MAMLD1: variants seen among roughly 807,000 people sequenced by gnomAD.
MAMLD1 encodes mastermind like domain containing 1.
Under a neutral mutation model 45.0 loss-of-function variants are expected in MAMLD1, and 14 were observed. The ratio of observed to expected loss-of-function variants is 0.31; its 90% CI spans 0.21 to 0.49. MAMLD1 has a LOEUF of 0.49. MAMLD1 is among the 20% of genes least tolerant of loss of function. MAMLD1 has a pLI of 0.99. For missense variants in MAMLD1, 543 were observed against 603.6 expected (o/e 0.90, Z 1.05); for synonymous variants, 254 against 247.8 (o/e 1.02, Z -0.24).
At chrX:150,428,014 G>A (rs1343187697) in intron 1 of MAMLD1, among the ~76,000 whole-genome samples, 2 of 111,115 alleles carry the variant, frequency 1.8e-5, no homozygotes, top group Admixed American at 1.9e-4. Context: ...GGGAGCTAAA[G>A]GTCCCAGATA....
At position 150,512,930 on chromosome X, in the gene MAMLD1, T is replaced by G. The variant is rs978768835; in HGVS notation, c.*971T>G. 96 of 1,154,669 alleles carry G rather than the reference T, an allele frequency of 8.3e-5. No homozygotes were observed. The highest frequency in any genetic ancestry group is 1.1e-4 in the Non-Finnish European group (92 of 872,676). On this transcript the variant is annotated 3_prime_UTR_variant, in exon 8 of 8. Transcript: ENST00000370401. ...TGAGGTAGATTTCATTGAAGCTCTCTTGAAAGGCTCCTGTGTGAGCCCAGA... is the reference window on the plus strand; with the variant it reads ...TGAGGTAGATTTCATTGAAGCTCTCGTGAAAGGCTCCTGTGTGAGCCCAGA...
intron 5 of MAMLD1, among the ~76,000 whole-genome samples, chrX:150,481,584 C>A (rs782813207): frequency 1.8e-5 from 2 of 111,658 alleles, no homozygotes; most frequent in Non-Finnish European, 3.8e-5. Flanking sequence ...AATCGCAGCA[C>A]TTTGAGAAGC....
chrX:150,363,487 C>T lies in MAMLD1; in HGVS notation c.-107C>T, dbSNP rs1354030951. 9.8e-6 allele frequency: 1 copy of T among 102,057 alleles called. No individual in the cohort carries two copies. The highest frequency in any genetic ancestry group is 2.2e-5 in the Non-Finnish European group (1 of 46,283). The allele number at this position is 102,057 out of a possible 1,213,427, so 8.4% of individuals were successfully genotyped here. A position where few individuals can be genotyped will look rare whatever the true frequency, so the allele number is the denominator to read the frequency against. On this transcript the variant is annotated 5_prime_UTR_variant, in exon 1 of 8. Transcript: ENST00000370401. ...GGCTGCCCGCGCCGGCGGCCGCCCG[C>T]CCCTCGGACACTGCCCCCGCCGCCG... is the stretch of plus-strand genomic sequence containing the variant.
chrX:150,483,366 G>A (rs145150618), intron 5 of MAMLD1, among the ~76,000 whole-genome samples: 12 of 112,470 alleles, frequency 1.1e-4, no homozygotes, highest in Admixed American at 2.8e-4. Context: ...AGACGTCTTC[G>A]CTAGCTCTGT....
intron 1 of MAMLD1, among the ~76,000 whole-genome samples, chrX:150,363,996 C>A (rs1557400593): frequency 8.8e-6 from 1 of 113,066 alleles, no homozygotes; most frequent in Non-Finnish European, 1.9e-5. Flanking sequence ...GAAGGATTTC[C>A]CCACCCCAAC....
intron 5 of MAMLD1, among the ~76,000 whole-genome samples, chrX:150,500,061 G>T (rs187731005): frequency 1.7e-4 from 19 of 112,386 alleles, no homozygotes; most frequent in Admixed American, 9.4e-4. Flanking sequence ...TGAGCCCTTT[G>T]CCTGGGCTAG....
Position 150,455,173 on chromosome X carries a change from T to C in MAMLD1, c.97-7599T>C, listed in dbSNP as rs1210797405. ...TTGGGGTGGGGAACATCAACGTGTG[T>C]TTATGGCCAAAATTGAATTAGGATT... is the stretch of plus-strand genomic sequence containing the variant. On this transcript the variant is annotated intron_variant, in intron 2 of 7. Transcript: ENST00000370401. Among the ~76,000 whole-genome samples the C allele has an allele frequency of 5.3e-5, 6 of 112,396 alleles. No homozygotes were observed. The Admixed American group carries it at 5.6e-4, about 11-fold the overall frequency.
intron 3 of MAMLD1, among the ~76,000 whole-genome samples, chrX:150,463,517 A>G (rs2036119591): frequency 8.9e-6 from 1 of 112,230 alleles, no homozygotes; most frequent in Admixed American, 9.4e-5. Context: ...TTCTGAGCTC[A>G]TTAAATTCAT....
intron 1 of MAMLD1, among the ~76,000 whole-genome samples, chrX:150,393,397 C>CTATAAATA (rs2033271365): frequency 8.9e-6 from 1 of 112,497 alleles, no homozygotes; most frequent in Admixed American, 9.4e-5. Context: ...AATAAAGCTA[C>CTATAAATA]TATAAATATC....
At chrX:150,399,799 G>C (rs146393678) in intron 1 of MAMLD1, among the ~76,000 whole-genome samples, 221 of 112,128 alleles carry the variant, frequency 2.0e-3, no homozygotes, top group African/African-American at 6.9e-3. Context: ...AGAATGAATT[G>C]CTGTTGTTTT....
intron 2 of MAMLD1, among the ~76,000 whole-genome samples, chrX:150,456,104 G>C (rs2035856188): frequency 9.0e-6 from 1 of 111,222 alleles, no homozygotes; most frequent in Non-Finnish European, 1.9e-5. Flanking sequence ...CTCAGTCTAA[G>C]TGTGAAGAGC....
intron 2 of MAMLD1, among the ~76,000 whole-genome samples, chrX:150,454,133 C>G (rs1373220357): frequency 2.7e-5 from 3 of 112,129 alleles, no homozygotes; most frequent in Non-Finnish European, 5.6e-5. Flanking sequence ...GTAGGTGCTT[C>G]TTTCCTAGAA....
At chrX:150,378,362 C>G (rs1175347254) in intron 1 of MAMLD1, among the ~76,000 whole-genome samples, 4 of 112,184 alleles carry the variant, frequency 3.6e-5, no homozygotes, top group African/African-American at 1.3e-4. Flanking sequence ...TCATCCTATT[C>G]CTGGTGATTG....
intron 1 of MAMLD1, among the ~76,000 whole-genome samples, chrX:150,372,128 G>A (rs955948176): frequency 3.6e-5 from 4 of 112,299 alleles, no homozygotes; most frequent in Non-Finnish European, 5.6e-5. Context: ...TGTAACTGTG[G>A]CGTAATATAA....
At chrX:150,400,811 C>T (rs1557402405) in intron 1 of MAMLD1, among the ~76,000 whole-genome samples, 2 of 109,102 alleles carry the variant, frequency 1.8e-5, no homozygotes, top group African/African-American at 6.7e-5. Context: ...ATGAAGCCCA[C>T]TTGATCATGG....
intron 1 of MAMLD1, among the ~76,000 whole-genome samples, chrX:150,392,292 A>G (rs5924915): frequency 0.29 from 32,051 of 110,821 alleles, 3,707 homozygotes; most frequent in Middle Eastern, 0.38. Context: ...TGCTGATACC[A>G]GTGATTGGGT....
At chrX:150,424,872 C>T (rs62609021) in intron 1 of MAMLD1, among the ~76,000 whole-genome samples, 2,482 of 111,960 alleles carry the variant, frequency 0.022, 40 homozygotes, top group Non-Finnish European at 0.031. Flanking sequence ...AAACCCTGTA[C>T]CCATTAGTAG....
chrX:150,365,785 G>T (rs185421658), intron 1 of MAMLD1, among the ~76,000 whole-genome samples: 26 of 112,767 alleles, frequency 2.3e-4, no homozygotes, highest in Non-Finnish European at 4.1e-4. Context: ...TGTAGCCTAG[G>T]CGGGCAGTGA....
rs1295008308 is a variant in MAMLD1 at position 150,512,920 on chromosome X, T to C, written c.*961T>C. On this transcript the variant is annotated 3_prime_UTR_variant, in exon 8 of 8. Coordinates refer to ENST00000370401, the MANE Select transcript of MAMLD1 (RefSeq NM_005491.5). ...CTGACTGCAATGAGGTAGATTTCAT[T>C]GAAGCTCTCTTGAAAGGCTCCTGTG... is the stretch of plus-strand genomic sequence containing the variant. 18 of 1,155,921 alleles carry C rather than the reference T, an allele frequency of 1.6e-5. No individual in the cohort carries two copies. The highest frequency in any genetic ancestry group is 2.1e-5 in the Non-Finnish European group (18 of 872,810).
Sources: allele counts gnomAD v4.1 joint callset (sites outside exome capture counted in the v4.1 genomes callset), GRCh38; gene constraint gnomAD v4.1.1; transcripts MANE v1.5; gene names NCBI Gene and HGNC (gene_info 2026-07-23, HGNC 2026-07-21).